NEO1: variants seen among roughly 807,000 people sequenced by gnomAD.
NEO1 encodes the protein neogenin 1.
NEO1 carries 63 observed loss-of-function variants against 159.7 expected under a neutral mutation model. That is an observed-to-expected ratio of 0.39 (90% confidence interval 0.32 to 0.49). The LOEUF (loss-of-function observed/expected upper bound fraction) is 0.49. Ranked by LOEUF, NEO1 falls within the 20% of genes least tolerant of loss-of-function variation. NEO1 has a pLI of 0.85. For synonymous variants in NEO1, 633 were observed against 662.0 expected, an observed-to-expected ratio of 0.96 and a Z score of 0.67; for missense variants, 1,615 against 1,831.0, an observed-to-expected ratio of 0.88 and a Z score of 2.15.
chr15:73,219,173 G>C (rs201022254), intron 7 of NEO1, among the ~76,000 whole-genome samples: 18 of 151,948 alleles, frequency 1.2e-4, no homozygotes, highest in African/African-American at 4.3e-4. Context: ...CCTTCATTTC[G>C]TTATGTACCC....
chr15:73,261,508 T>C (rs144862979), intron 15 of NEO1, among the ~76,000 whole-genome samples: 31 of 152,284 alleles, frequency 2.0e-4, no homozygotes, highest in Admixed American at 4.6e-4. Context: ...ACAAAAACAG[T>C]TGTATCTCCA....
chr15:73,060,115 G>A (rs1668744483), intron 1 of NEO1, among the ~76,000 whole-genome samples: 1 of 151,816 alleles, frequency 6.6e-6, no homozygotes, highest in African/African-American at 2.4e-5. Context: ...ACAAATTTAG[G>A]GATAGAATAA....
At chr15:73,117,935 T>C (rs778123704) in intron 2 of NEO1, among the ~76,000 whole-genome samples, 10 of 152,018 alleles carry the variant, frequency 6.6e-5, no homozygotes, top group Non-Finnish European at 1.5e-4. Flanking sequence ...TTCTTCCTTT[T>C]CTTTTCTTTC....
chr15:73,289,512 G>T (rs952717790), intron 25 of NEO1, among the ~76,000 whole-genome samples: 1 of 152,196 alleles, frequency 6.6e-6, no homozygotes, highest in Non-Finnish European at 1.5e-5. Context: ...CCCTAAAAGT[G>T]CATCATATCT....
intron 1 of NEO1, among the ~76,000 whole-genome samples, chr15:73,068,093 T>C (rs1410954113): frequency 1.3e-5 from 2 of 151,980 alleles, no homozygotes; most frequent in African/African-American, 2.4e-5. Context: ...TTGCAGGGAG[T>C]AGGGGCAAGA....
At chr15:73,096,467 G>A (rs549716130) in intron 1 of NEO1, among the ~76,000 whole-genome samples, 11 of 152,216 alleles carry the variant, frequency 7.2e-5, no homozygotes, top group Admixed American at 3.3e-4. Flanking sequence ...AGGTGGAAGT[G>A]GTGCAGTCAA....
At chr15:73,106,602 G>GAACACAC (rs2070706691) in intron 1 of NEO1, among the ~76,000 whole-genome samples, 2 of 152,072 alleles carry the variant, frequency 1.3e-5, no homozygotes, top group Non-Finnish European at 2.9e-5. Context: ...GTCCCTATTG[G>GAACACAC]ATAGTGCAGA....
rs115542733 is a variant in NEO1, at chr15:73,257,734, C to A, written c.2093-1032C>A. 8.6e-3 allele frequency among the ~76,000 whole-genome samples: 1,302 copies of A among 152,276 alleles called. 22 individuals carry two copies. Among genetic ancestry groups the A allele is most frequent in the African/African-American group, 0.03 (1,230 of 41,552 alleles). ...AACTCAGCCTCTTTGCATAGTACCT[C>A]ATTTTTGCTTGCTCTCTCTTACATC... is the stretch of plus-strand genomic sequence containing the variant. On this transcript the variant is annotated intron_variant, in intron 13 of 28. Transcript: ENST00000261908.
intron 1 of NEO1, among the ~76,000 whole-genome samples, chr15:73,088,741 T>C (rs905492424): frequency 4.6e-5 from 7 of 151,894 alleles, no homozygotes; most frequent in Admixed American, 4.6e-4. Context: ...AAATGAAGGC[T>C]AGGATTAAAG....
chr15:73,238,840 A>ATTTTGTTTTG (rs150140722), intron 8 of NEO1, among the ~76,000 whole-genome samples: 38 of 150,920 alleles, frequency 2.5e-4, no homozygotes, highest in Admixed American at 2.6e-4. Context: ...GTTTGTTTTT[A>ATTTTGTTTTG]TTTTGTTTTG....
upstream of NEO1, among the ~76,000 whole-genome samples, chr15:73,052,289 G>C (rs2067472988): frequency 8.7e-6 from 1 of 115,026 alleles, no homozygotes; most frequent in African/African-American, 3.2e-5. Context: ...GCGCGCCCGG[G>C]ACTCCCGCCC....
intron 7 of NEO1, among the ~76,000 whole-genome samples, chr15:73,202,246 A>C (rs898321547): frequency 9.2e-5 from 14 of 152,092 alleles, no homozygotes; most frequent in Non-Finnish European, 1.9e-4. Flanking sequence ...TACAGGCATG[A>C]GCCACTGTGC....
rs1567599620 is a variant in NEO1, at chr15:73,249,622, T to C, written c.1795T>C (p.Leu599=). The C allele has an allele frequency of 1.2e-6, 2 of 1,613,616 alleles. No individual in the cohort carries two copies. Among genetic ancestry groups the C allele is most frequent in the South Asian group, 1.1e-5 (1 of 90,972 alleles). Residue 599 remains leucine (L), a synonymous_variant, in exon 11 of 29, where the codon TTG becomes CTG. Coordinates refer to ENST00000261908, the MANE Select transcript of NEO1 (RefSeq NM_002499.4). ...AAGTCACTCTTACACCATTAATGGG[T>C]TGAAAAAATATACAGAGTATAGTTT... is the stretch of plus-strand genomic sequence containing the variant. ...VSSHSYTING[L]KKYTEYSFRV... is the part of the protein sequence containing the mutation.
chr15:73,272,401 T>G, intron 18 of NEO1, 54 bp from the exon 19 acceptor site: 4 of 1,359,704 alleles, frequency 2.9e-6, no homozygotes, highest in Non-Finnish European at 4.2e-6. Context: ...GTTGAAGAAA[T>G]AGTGAACTAA....
chr15:73,097,776 CTTTTT>C (rs34165169), intron 1 of NEO1, among the ~76,000 whole-genome samples: 56 of 75,536 alleles, frequency 7.4e-4, no homozygotes, highest in African/African-American at 1.3e-3. Context: ...TGGAACTAGC[CTTTTT>C]TTTTTTTTTT....
intron 1 of NEO1, among the ~76,000 whole-genome samples, chr15:73,091,742 T>G (rs1166958260): frequency 1.3e-5 from 2 of 149,386 alleles, no homozygotes; most frequent in Admixed American, 1.3e-4. Context: ...TTTACACTTT[T>G]TTTTTTTTTT....
intron 15 of NEO1, among the ~76,000 whole-genome samples, chr15:73,262,825 A>G (rs2040685421): frequency 2.0e-5 from 3 of 152,252 alleles, no homozygotes; most frequent in Admixed American, 2.0e-4. Flanking sequence ...ACAAATTTTC[A>G]TCAACAGGTA....
intron 5 of NEO1, among the ~76,000 whole-genome samples, chr15:73,144,359 C>G (rs1197072858): frequency 6.6e-6 from 1 of 152,176 alleles, no homozygotes; most frequent in African/African-American, 2.4e-5. Flanking sequence ...GAACTTTCCT[C>G]CACATGGCTG....
At chr15:73,231,399 G>A (rs796135873) in intron 7 of NEO1, among the ~76,000 whole-genome samples, 11 of 152,228 alleles carry the variant, frequency 7.2e-5, no homozygotes, top group African/African-American at 2.6e-4. Flanking sequence ...TCCACAGTAA[G>A]CCTGCTGTTT....
Sources: gnomAD v4.1 joint callset for allele counts (sites outside exome capture counted in the v4.1 genomes callset) on GRCh38, gnomAD v4.1.1 for gene constraint, MANE v1.5 for transcripts, NCBI Gene and HGNC (gene_info 2026-07-23, HGNC 2026-07-21) for gene names.